NCKAP1: variants seen among roughly 807,000 people sequenced by gnomAD.
The protein encoded by NCKAP1 is NCK associated protein 1, also known as nck-associated protein 1.
Under a neutral mutation model 151.2 loss-of-function variants are expected in NCKAP1, and 21 were observed. The observed-to-expected ratio is 0.14, with a 90% confidence interval of 0.10 to 0.20. NCKAP1 has a LOEUF of 0.20. Among genes scored for constraint, NCKAP1 ranks in the 10% least tolerant of loss-of-function variants. The probability of loss-of-function intolerance (pLI) is 1.00; values close to 1 mark genes in which losing one functional copy is unlikely to be tolerated. For synonymous variants in NCKAP1, 484 were observed against 451.8 expected (o/e 1.07, Z -0.90); for missense variants, 933 against 1,352.1 (o/e 0.69, Z 4.86).
At position 182,916,995 on chromosome 2, in the gene NCKAP1, T is replaced by C. The variant is rs1221809908; in HGVS notation, c.*8707A>G. On this transcript the variant is annotated 3_prime_UTR_variant, in exon 31 of 31. Coordinates refer to ENST00000361354, the MANE Select transcript of NCKAP1 (RefSeq NM_013436.5). The stretch of plus-strand genomic sequence containing the variant: ...ACTCATAAAAGCCATGAAAAAACTC[T>C]TTGAAGGCAATTTTATAAGTGAAAC... 2 of 152,190 alleles carry C rather than the reference T, an allele frequency of 1.3e-5. No homozygotes were observed. Among genetic ancestry groups the C allele is most frequent in the African/African-American group, 4.8e-5 (2 of 41,448 alleles). The allele number at this position is 152,190 out of a possible 1,614,324, so 9.4% of individuals were successfully genotyped here.
intron 2 of NCKAP1, among the ~76,000 whole-genome samples, chr2:183,015,406 T>G (rs1474051424): frequency 6.6e-6 from 1 of 151,414 alleles, no homozygotes; most frequent in African/African-American, 2.4e-5. Flanking sequence ...TAACCCATAA[T>G]GAAAGCTACA....
At chr2:182,997,520 T>C (rs1698293623) in intron 6 of NCKAP1, among the ~76,000 whole-genome samples, 1 of 152,206 alleles carries the variant, frequency 6.6e-6, no homozygotes, top group Admixed American at 6.5e-5. Context: ...AGGATAAAAT[T>C]GTTTAGTTTC....
chr2:182,927,883 T>G (rs934072754), intron 29 of NCKAP1, among the ~76,000 whole-genome samples: 1 of 151,868 alleles, frequency 6.6e-6, no homozygotes, highest in African/African-American at 2.4e-5. Context: ...GGACGGCTCC[T>G]CGATTTTAAT....
chr2:182,981,957 T>C (rs556800038), intron 12 of NCKAP1, among the ~76,000 whole-genome samples: 1 of 145,314 alleles, frequency 6.9e-6, no homozygotes, highest in East Asian at 2.0e-4. Context: ...AAACAGGACA[T>C]GTTATAAATA....
chr2:182,966,516 A>C (rs1383569200), intron 16 of NCKAP1, among the ~76,000 whole-genome samples: 9 of 152,038 alleles, frequency 5.9e-5, no homozygotes, highest in African/African-American at 1.9e-4. Flanking sequence ...CAAACTCCTG[A>C]CCTCAGGTGA....
chr2:182,942,182 T>C lies in NCKAP1; in HGVS notation c.2602-19A>G, dbSNP rs1697009670. 6.3e-7 allele frequency: 1 copy of C among 1,591,006 alleles called. No homozygotes were observed. The highest frequency in any genetic ancestry group is 1.7e-5 in the Admixed American group (1 of 59,264). On this transcript the variant is annotated intron_variant, in intron 23 of 30. Coordinates refer to ENST00000361354, the MANE Select transcript of NCKAP1 (RefSeq NM_013436.5). ...CAAGTTTCTAAAAAAAAAAGAAAGA[T>C]CCTAGGTCAGGCACAGACCTCTTTG... is the stretch of plus-strand genomic sequence containing the variant.
In NCKAP1 at chr2:182,956,904, G is replaced by A. The variant is rs149589043; in HGVS notation, c.2022-311C>T. Reference sequence around the variant, plus strand: ...TCCTGAAGTACTTTCTGTTATGAGAGAAGGAAAGTTGTCTATAAAAGGGCA... The same window carrying A: ...TCCTGAAGTACTTTCTGTTATGAGAAAAGGAAAGTTGTCTATAAAAGGGCA... On this transcript the variant is annotated intron_variant, in intron 19 of 30. Transcript: ENST00000361354. The A allele has an allele frequency of 7.5e-3, 1,492 of 199,324 alleles. 24 individuals carry two copies. The highest frequency in any genetic ancestry group is 0.033 in the African/African-American group (1,413 of 43,064). The allele number at this position is 199,324 out of a possible 1,614,324, so 12.3% of individuals were successfully genotyped here. A position where few individuals can be genotyped will look rare whatever the true frequency, so the allele number is the denominator to read the frequency against.
rs1696416552 is a variant in NCKAP1 at position 182,912,849 on chromosome 2, A to AAAGGAAGGAAGAAAGG, written c.*12852_*12853insCCTTTCTTCCTTCCTT. 7.5e-6 allele frequency: 1 copy of AAAGGAAGGAAGAAAGG among 133,364 alleles called. No homozygotes were observed. The highest frequency in any genetic ancestry group is 1.6e-5 in the Non-Finnish European group (1 of 62,078). The allele number at this position is 133,364 out of a possible 1,614,324, so 8.3% of individuals were successfully genotyped here. On this transcript the variant is annotated 3_prime_UTR_variant, in exon 31 of 31. Coordinates refer to ENST00000361354, the MANE Select transcript of NCKAP1 (RefSeq NM_013436.5). ...CAAAACCAAAGAAAGATAGAGGAAG[A>AAAGGAAGGAAGAAAGG]AAGGAAGGAAGGAAGGAAGGAAGGA...
chr2:183,018,643 TCTA>T (rs1346957160), intron 2 of NCKAP1, among the ~76,000 whole-genome samples: 4 of 152,344 alleles, frequency 2.6e-5, no homozygotes, highest in African/African-American at 9.6e-5. Context: ...TCTGAATAGT[TCTA>T]CTAAAAAGTA....
At chr2:183,037,940 A>T in intron 1 of NCKAP1, 52 bp downstream of exon 1, 2 of 1,422,030 alleles carry the variant, frequency 1.4e-6, no homozygotes, top group Non-Finnish European at 1.9e-6. Flanking sequence ...CTTGCCCTTC[A>T]TCCCTCCCGG....
intron 15 of NCKAP1, among the ~76,000 whole-genome samples, chr2:182,970,363 G>C (rs1490822601): frequency 2.0e-5 from 3 of 152,020 alleles, no homozygotes; most frequent in Non-Finnish European, 2.9e-5. Context: ...CAAAAATGCT[G>C]AACAAAATAC....
At chr2:183,025,731 G>C (rs1361443661) in intron 1 of NCKAP1, among the ~76,000 whole-genome samples, 1 of 151,958 alleles carries the variant, frequency 6.6e-6, no homozygotes, top group African/African-American at 2.4e-5. Flanking sequence ...AAATATAATA[G>C]CTAAGAATAA....
Position 182,976,893 on chromosome 2 carries a change from C to A in NCKAP1, c.1482G>T (p.Gln494His). ...RGMRLDWFRL[Q>H]AYTSVSKASL... Reference sequence around the variant, plus strand: ...AATGACAATAAAAGGTTATTCTTACCTGTAACCTAAACCAATCTAATCTCA... The same window carrying A: ...AATGACAATAAAAGGTTATTCTTACATGTAACCTAAACCAATCTAATCTCA... The change falls in exon 15 of 31, where the codon CAG (glutamine) becomes CAT (histidine). Residue 494 changes from glutamine to histidine, a missense_variant and splice_region_variant. By Grantham distance (24) the Gln-to-His change is conservative. Coordinates refer to ENST00000361354, the MANE Select transcript of NCKAP1 (RefSeq NM_013436.5). 2 of 1,513,124 alleles carry A rather than the reference C, an allele frequency of 1.3e-6. No homozygotes were observed. Among genetic ancestry groups the A allele is most frequent in the East Asian group, 2.4e-5 (1 of 41,454 alleles). The allele number at this position is 1,513,124 out of a possible 1,614,324, so 93.7% of individuals were successfully genotyped here. A position where few individuals can be genotyped will look rare whatever the true frequency, so the allele number is the denominator to read the frequency against.
intron 8 of NCKAP1, among the ~76,000 whole-genome samples, chr2:182,992,233 A>G (rs1698183905): frequency 6.6e-6 from 1 of 152,220 alleles, no homozygotes; most frequent in Non-Finnish European, 1.5e-5. Context: ...TTCCAAAAAG[A>G]GAAGTGCAGA....
At chr2:182,979,150 C>T (rs1221623233) in intron 13 of NCKAP1, among the ~76,000 whole-genome samples, 1 of 151,892 alleles carries the variant, frequency 6.6e-6, no homozygotes, top group East Asian at 1.9e-4. Context: ...TTTTCATACA[C>T]TATATAGGAA....
chr2:182,987,549 T>C (rs2105860086), intron 9 of NCKAP1, among the ~76,000 whole-genome samples: 1 of 152,344 alleles, frequency 6.6e-6, no homozygotes, highest in East Asian at 1.9e-4. Context: ...CTGGTTTCAC[T>C]ATGCCATTAA....
At position 182,930,705 on chromosome 2, in the gene NCKAP1, T is replaced by C. The variant is rs1198787081; in HGVS notation, c.2943A>G (p.Ser981=). ...IDPALVVALS[S]QKSENISPEE... ...ACTAATGCATTTTACCCGATTTTTGTGAAGAAAGAGCTACGACCAATGCAG... is the reference window on the plus strand; with the variant it reads ...ACTAATGCATTTTACCCGATTTTTGCGAAGAAAGAGCTACGACCAATGCAG... The change falls in exon 27 of 31, where the codon TCA becomes TCG. Residue 981 remains serine, a synonymous_variant. Transcript: ENST00000361354. 6.2e-7 allele frequency: 1 copy of C among 1,613,024 alleles called. No individual in the cohort carries two copies. Among genetic ancestry groups the C allele is most frequent in the Non-Finnish European group, 8.5e-7 (1 of 1,179,136 alleles).
At chr2:182,994,086 C>T (rs894360176) in intron 8 of NCKAP1, among the ~76,000 whole-genome samples, 2 of 152,168 alleles carry the variant, frequency 1.3e-5, no homozygotes, top group Non-Finnish European at 2.9e-5. Context: ...GAAACTAGTA[C>T]TTTTATCTCC....
At chr2:182,926,392 G>T (rs1335139416) in intron 30 of NCKAP1, among the ~76,000 whole-genome samples, 1 of 151,980 alleles carries the variant, frequency 6.6e-6, no homozygotes, top group Non-Finnish European at 1.5e-5. Context: ...CCACGTGGTA[G>T]AAACAAGCAA....
Sources: gnomAD v4.1 joint callset for allele counts (sites outside exome capture counted in the v4.1 genomes callset) on GRCh38, gnomAD v4.1.1 for gene constraint, MANE v1.5 for transcripts, NCBI Gene and HGNC (gene_info 2026-07-23, HGNC 2026-07-21) for gene names.